Variants in RBFOX1 observed in about 807,000 individuals in gnomAD.
The protein encoded by RBFOX1 is RNA binding protein fox-1 homolog 1.
Under a neutral mutation model 57.7 loss-of-function variants are expected in RBFOX1, and 8 were observed. The observed-to-expected ratio is 0.14, with a 90% CI of 0.08 to 0.25. RBFOX1 has a LOEUF of 0.25. Ranked by LOEUF, RBFOX1 falls within the 10% of genes least tolerant of loss-of-function variation. RBFOX1 has a pLI of 1.00. For synonymous variants in RBFOX1, 326 were observed against 222.4 expected, an observed-to-expected ratio of 1.47 and a Z score of -4.15; for missense variants, 611 against 548.5, an observed-to-expected ratio of 1.11 and a Z score of -1.14.
intron 2 of RBFOX1, among the ~76,000 whole-genome samples, chr16:6,496,322 C>G (rs1028123455): frequency 6.6e-6 from 1 of 152,142 alleles, no homozygotes; most frequent in South Asian, 2.1e-4. Context: ...TGTTGTTCTT[C>G]ATTCACAGGC....
chr16:5,712,590 C>T (rs912982056), intron 3 of RBFOX1, among the ~76,000 whole-genome samples: 6 of 150,750 alleles, frequency 4.0e-5, no homozygotes, highest in African/African-American at 1.4e-4. Flanking sequence ...ACTTAATTCC[C>T]ATAACAGGTA....
intron 4 of RBFOX1, among the ~76,000 whole-genome samples, chr16:6,008,921 G>T (rs1443305939): frequency 6.6e-6 from 1 of 152,136 alleles, no homozygotes; most frequent in African/African-American, 2.4e-5. Context: ...AGCAGGAAGA[G>T]GTAGAGAAAT....
At chr16:7,664,729 C>G (rs1267164648) in intron 12 of RBFOX1, 200 bp from the exon 13 acceptor site, 3 of 856,786 alleles carry the variant, frequency 3.5e-6, no homozygotes, top group Admixed American at 5.4e-5. Context: ...AATTCTGGGC[C>G]AACACCAAAG....
chr16:7,334,300 G>T (rs2096745917), intron 4 of RBFOX1, among the ~76,000 whole-genome samples: 1 of 152,148 alleles, frequency 6.6e-6, no homozygotes, highest in Non-Finnish European at 1.5e-5. Flanking sequence ...GTCATCTGGA[G>T]AACGGTCCTT....
chr16:6,486,329 C>G (rs1335031549), intron 2 of RBFOX1, among the ~76,000 whole-genome samples: 2 of 151,732 alleles, frequency 1.3e-5, no homozygotes, highest in African/African-American at 4.8e-5. Context: ...GTCTTGTTTT[C>G]TGTCTAAATT....
At chr16:6,103,837 G>C (rs927193089) in intron 1 of RBFOX1, among the ~76,000 whole-genome samples, 29 of 152,214 alleles carry the variant, frequency 1.9e-4, no homozygotes, top group African/African-American at 6.0e-4. Flanking sequence ...AAACAGGATT[G>C]GTGAGGTCCA....
At chr16:5,342,361 C>G (rs11861407) in intron 1 of RBFOX1, among the ~76,000 whole-genome samples, 258 of 152,240 alleles carry the variant, frequency 1.7e-3, no homozygotes, top group African/African-American at 5.9e-3. Context: ...CCTTGGGGGA[C>G]TACAGAGCAG....
chr16:5,699,936 C>G (rs1248317298), intron 3 of RBFOX1, among the ~76,000 whole-genome samples: 1 of 152,164 alleles, frequency 6.6e-6, no homozygotes, highest in Non-Finnish European at 1.5e-5. Context: ...CGGGTTCACG[C>G]CATTCTCCTG....
At chr16:6,660,064 C>G (rs2098691460) in intron 3 of RBFOX1, among the ~76,000 whole-genome samples, 1 of 151,874 alleles carries the variant, frequency 6.6e-6, no homozygotes, top group Admixed American at 6.6e-5. Context: ...ATCTCTACCA[C>G]AAATACAAAA....
rs111939568 is a variant in RBFOX1, at chr16:5,503,384, C to A, written c.258+36130C>A. On this transcript the variant is annotated intron_variant, in intron 2 of 2. Coordinates refer to the RBFOX1 transcript ENST00000585867. The stretch of plus-strand genomic sequence containing the variant: ...AATAGGTTTACTGAGATATAATTCA[C>A]ACACCATATAATTCATCAATTTCAA... Among the ~76,000 whole-genome samples the A allele has an allele frequency of 9.1e-3, 1,390 of 152,334 alleles. 17 individuals are homozygous for A. Among genetic ancestry groups the A allele is most frequent in the South Asian group, 0.046 (220 of 4,826 alleles).
intron 4 of RBFOX1, among the ~76,000 whole-genome samples, chr16:7,272,207 A>G (rs2095335352): frequency 6.6e-6 from 1 of 152,076 alleles, no homozygotes; most frequent in African/African-American, 2.4e-5. Context: ...TTTTTGAGAA[A>G]GAGTCTCGCT....
chr16:7,225,073 T>A (rs2093006445), intron 4 of RBFOX1, among the ~76,000 whole-genome samples: 1 of 152,200 alleles, frequency 6.6e-6, no homozygotes, highest in Admixed American at 6.5e-5. Flanking sequence ...TTTAAAACAC[T>A]AAGTGTAGTA....
chr16:7,182,612 A>G (rs1435503357), intron 4 of RBFOX1, among the ~76,000 whole-genome samples: 1 of 152,230 alleles, frequency 6.6e-6, no homozygotes, highest in Non-Finnish European at 1.5e-5. Context: ...GCAAAAAGGG[A>G]AAATTTAGCT....
At chr16:6,658,315 A>T (rs1000828336) in intron 3 of RBFOX1, among the ~76,000 whole-genome samples, 1 of 150,656 alleles carries the variant, frequency 6.6e-6, no homozygotes, top group South Asian at 2.1e-4. Context: ...ATCTCAGCTC[A>T]TTGCAACCTC....
chr16:5,610,149 C>T (rs1041815982), intron 3 of RBFOX1, among the ~76,000 whole-genome samples: 2 of 152,222 alleles, frequency 1.3e-5, no homozygotes, highest in South Asian at 4.1e-4. Context: ...TCCAATATGC[C>T]AGCAGTCTGT....
intron 3 of RBFOX1, among the ~76,000 whole-genome samples, chr16:6,989,404 A>G (rs1002094476): frequency 1.3e-5 from 2 of 152,156 alleles, no homozygotes; most frequent in Non-Finnish European, 2.9e-5. Flanking sequence ...ATGAATTACA[A>G]TTTGTTATTA....
rs62016888 is a variant in RBFOX1 at position 5,595,107 on chromosome 16, C to G, written c.259-3795C>G. ...GTTGTGGTGAGTCAAGATCCTGCCA[C>G]TGCACTCTAGCCTGGGTGTCAGAGC... On this transcript the variant is annotated intron_variant, in intron 2 of 2. Transcript: ENST00000585867. Among the ~76,000 whole-genome samples the G allele has an allele frequency of 5.3e-3, 800 of 152,112 alleles. 4 individuals carry two copies. The highest frequency in any genetic ancestry group is 9.2e-3 in the Non-Finnish European group (623 of 68,000).
At chr16:6,395,894 C>T (rs751513611) in intron 2 of RBFOX1, among the ~76,000 whole-genome samples, 4 of 151,638 alleles carry the variant, frequency 2.6e-5, no homozygotes, top group Non-Finnish European at 5.9e-5. Context: ...AGTGAAACCC[C>T]GTCTCTGCTA....
At chr16:5,905,959 C>T (rs1021364617) in intron 4 of RBFOX1, among the ~76,000 whole-genome samples, 1 of 152,148 alleles carries the variant, frequency 6.6e-6, no homozygotes, top group Non-Finnish European at 1.5e-5. Flanking sequence ...AATTGGCTGC[C>T]CAAAGCCCTA....
Sources: allele counts gnomAD v4.1 joint callset (sites outside exome capture counted in the v4.1 genomes callset), GRCh38; gene constraint gnomAD v4.1.1; transcripts MANE v1.5; gene names NCBI Gene and HGNC (gene_info 2026-07-23, HGNC 2026-07-21).